SETDB2: variants seen among roughly 807,000 people sequenced by gnomAD.
The protein encoded by SETDB2 is SET domain bifurcated histone lysine methyltransferase 2.
A neutral mutation model predicts 82.5 loss-of-function variants in SETDB2; 56 were observed. That is an observed-to-expected ratio of 0.68 (90% CI 0.55 to 0.85). The LOEUF (loss-of-function observed/expected upper bound fraction) is 0.85. Ranked by LOEUF, SETDB2 falls within the 40% of genes least tolerant of loss-of-function variation. SETDB2 has a pLI of 0.00. For synonymous variants in SETDB2, 272 were observed against 284.9 expected (o/e 0.95, Z 0.46); for missense variants, 677 against 816.4 (o/e 0.83, Z 2.08).
intron 5 of SETDB2, among the ~76,000 whole-genome samples, chr13:49,471,972 T>C (rs1315884342): frequency 6.8e-6 from 1 of 146,750 alleles, no homozygotes; most frequent in Non-Finnish European, 1.5e-5. Context: ...GGTCTAGTCA[T>C]GTTGCCCAGG....
intron 11 of SETDB2, 139 bp downstream of exon 11, chr13:49,485,862 G>C (rs1310915559): frequency 1.2e-6 from 1 of 856,954 alleles, no homozygotes; most frequent in South Asian, 1.3e-5. Flanking sequence ...GTCTACATAA[G>C]AGATCAGCAA....
At chr13:49,482,304 T>C (rs1323759272) in intron 8 of SETDB2, 1 of 985,398 alleles carries the variant, frequency 1.0e-6, no homozygotes, top group Non-Finnish European at 1.2e-6. Context: ...CAGAACTTAA[T>C]ATGACAACAC....
chr13:49,446,828 A>T (rs1318750117), intron 1 of SETDB2, among the ~76,000 whole-genome samples: 1 of 152,222 alleles, frequency 6.6e-6, no homozygotes, highest in Non-Finnish European at 1.5e-5. Flanking sequence ...ACAATGCTGC[A>T]AGGAAAATCT....
In SETDB2 at chr13:49,488,682, C is replaced by T. The variant is rs1235034211; in HGVS notation, c.1917+52C>T. On this transcript the variant is annotated intron_variant, in intron 12 of 13. Transcript: ENST00000611815. The stretch of plus-strand genomic sequence containing the variant: ...TTCTGAACAACTGTTTTTTTCTATG[C>T]TACTTAACAAAATTATGAGGAAAAT... The T allele has an allele frequency of 2.8e-6, 4 of 1,404,152 alleles. No homozygotes were observed. The African/African-American group carries it at 5.8e-5, about 20-fold the overall frequency. The allele number at this position is 1,404,152 out of a possible 1,614,324, so 87.0% of individuals were successfully genotyped here.
At chr13:49,490,057 A>G (rs1566178013) in intron 12 of SETDB2, among the ~76,000 whole-genome samples, 1 of 149,506 alleles carries the variant, frequency 6.7e-6, no homozygotes, top group African/African-American at 2.5e-5. Context: ...CAGGCAGATC[A>G]CTTGAGGTCA....
chr13:49,450,999 A>G (rs1957775225), intron 1 of SETDB2, among the ~76,000 whole-genome samples: 1 of 151,278 alleles, frequency 6.6e-6, no homozygotes, highest in African/African-American at 2.4e-5. Context: ...ATGTACTATA[A>G]TGTATGCGTT....
At chr13:49,489,905 C>CCA (rs1958673922) in intron 12 of SETDB2, among the ~76,000 whole-genome samples, 1 of 34,746 alleles carries the variant, frequency 2.9e-5, no homozygotes, top group African/African-American at 8.2e-5. Flanking sequence ...CTTATTTCTC[C>CCA]CGCCCCCCCC....
chr13:49,459,387 C>A (rs974318918), intron 2 of SETDB2, among the ~76,000 whole-genome samples: 1 of 152,168 alleles, frequency 6.6e-6, no homozygotes, highest in Non-Finnish European at 1.5e-5. Context: ...ATTACGATGT[C>A]TTTCCTTTGC....
chr13:49,472,723 A>T (rs993350974), intron 5 of SETDB2, among the ~76,000 whole-genome samples: 11 of 152,098 alleles, frequency 7.2e-5, no homozygotes, highest in Non-Finnish European at 1.0e-4. Context: ...ACAGATAAGA[A>T]ATTAATCTTT....
intron 1 of SETDB2, among the ~76,000 whole-genome samples, chr13:49,447,870 C>T (rs1363130529): frequency 1.3e-5 from 2 of 151,938 alleles, no homozygotes; most frequent in East Asian, 1.9e-4. Context: ...GAGTAGCTTC[C>T]CATATTTTTC....
chr13:49,457,988 C>T (rs904936593), intron 2 of SETDB2, among the ~76,000 whole-genome samples: 1 of 152,130 alleles, frequency 6.6e-6, no homozygotes, highest in African/African-American at 2.4e-5. Flanking sequence ...TAACAATAAT[C>T]TATGAAGTGC....
At position 49,444,282 on chromosome 13, in the gene SETDB2, C is replaced by T; in HGVS notation, c.-917C>T. On this transcript the variant is annotated 5_prime_UTR_variant, in exon 1 of 14. In the 5' UTR this introduces an upstream ATG that the reference lacks. Coordinates refer to ENST00000611815, the MANE Select transcript of SETDB2 (RefSeq NM_001160308.3). Reference sequence around the variant, plus strand: ...TCGGCCTGGTCCCCGGCGGAGGTTACGCCTTCCCTCATCCCCGGTAGAGGC... The same window carrying T: ...TCGGCCTGGTCCCCGGCGGAGGTTATGCCTTCCCTCATCCCCGGTAGAGGC... 3.0e-6 allele frequency: 1 copy of T among 328,448 alleles called. No individual in the cohort carries two copies. 20.3% of individuals were successfully genotyped at this position (328,448 alleles called of 1,614,324 possible).
At chr13:49,464,191 C>T (rs1958055083) in intron 4 of SETDB2, 1 of 682,238 alleles carries the variant, frequency 1.5e-6, no homozygotes, top group East Asian at 2.7e-5. Flanking sequence ...CAGTGTCTGT[C>T]TGAGTATAGT....
intron 5 of SETDB2, among the ~76,000 whole-genome samples, chr13:49,471,899 G>C (rs1958249034): frequency 7.5e-6 from 1 of 133,828 alleles, no homozygotes; most frequent in Admixed American, 7.5e-5. Flanking sequence ...TAGTGCAAGT[G>C]TTATCTCATG....
chr13:49,472,420 T>C (rs1308803838), intron 5 of SETDB2, among the ~76,000 whole-genome samples: 1 of 152,142 alleles, frequency 6.6e-6, no homozygotes, highest in East Asian at 1.9e-4. Context: ...TCAAATCATA[T>C]GCAAACTGAG....
At chr13:49,471,932 A>ATTTTT (rs1293042049) in intron 5 of SETDB2, among the ~76,000 whole-genome samples, 2 of 75,338 alleles carry the variant, frequency 2.7e-5, no homozygotes, top group East Asian at 4.4e-4. Flanking sequence ...ATATATATAT[A>ATTTTT]TATTTTTTTT....
chr13:49,472,856 T>C (rs1378124858), intron 5 of SETDB2, among the ~76,000 whole-genome samples: 1 of 152,224 alleles, frequency 6.6e-6, no homozygotes, highest in African/African-American at 2.4e-5. Flanking sequence ...CAGTGTTAAT[T>C]GCTCAGTAAC....
Position 49,492,150 on chromosome 13 carries a change from GAAAC to G in SETDB2, c.*305_*308del, listed in dbSNP as rs1958725652. 2 of 230,354 alleles carry G rather than the reference GAAAC, an allele frequency of 8.7e-6. No homozygotes were observed. Among genetic ancestry groups the G allele is most frequent in the South Asian group, 5.6e-5 (1 of 17,798 alleles). The allele number at this position is 230,354 out of a possible 1,614,324, so 14.3% of individuals were successfully genotyped here. A position where few individuals can be genotyped will look rare whatever the true frequency, so the allele number is the denominator to read the frequency against. Reference sequence around the variant, plus strand: ...TTTATTTACAAATTATATATTAAGAGAAACAAATGTCATAACAGAACTCAGCTGT... The same window carrying G: ...TTTATTTACAAATTATATATTAAGAGAAATGTCATAACAGAACTCAGCTGT... On this transcript the variant is annotated 3_prime_UTR_variant, in exon 14 of 14. Coordinates refer to ENST00000611815, the MANE Select transcript of SETDB2 (RefSeq NM_001160308.3).
chr13:49,466,244 G>A (rs1214460767), intron 4 of SETDB2, among the ~76,000 whole-genome samples: 4 of 152,082 alleles, frequency 2.6e-5, no homozygotes, highest in African/African-American at 9.7e-5. Context: ...GACCAGCCAG[G>A]CTTGAGGTAG....
Sources: allele counts gnomAD v4.1 joint callset (sites outside exome capture counted in the v4.1 genomes callset), GRCh38; gene constraint gnomAD v4.1.1; transcripts MANE v1.5; gene names NCBI Gene and HGNC (gene_info 2026-07-23, HGNC 2026-07-21).